Variants in CTIF observed in about 807,000 individuals in gnomAD.
CTIF encodes the protein CBP80/20-dependent translation initiation factor.
A neutral mutation model predicts 66.0 loss-of-function variants in CTIF; 21 were observed. That is an observed-to-expected ratio of 0.32 (90% CI 0.23 to 0.46). The LOEUF (loss-of-function observed/expected upper bound fraction) is 0.46, where lower values mean the gene tolerates loss of function less well. Among genes scored for constraint, CTIF ranks in the 20% least tolerant of loss-of-function variants. CTIF has a pLI of 1.00. For missense variants in CTIF, 739 were observed against 812.7 expected (o/e 0.91, Z 1.10); for synonymous variants, 345 against 326.4 (o/e 1.06, Z -0.62).
chr18:48,773,964 C>A (rs1245653576), intron 9 of CTIF, among the ~76,000 whole-genome samples: 1 of 152,164 alleles, frequency 6.6e-6, no homozygotes, highest in African/African-American at 2.4e-5. Context: ...AGTATTTATA[C>A]CCACAGTGTT....
chr18:48,808,670 G>C (rs1032615362), intron 9 of CTIF, among the ~76,000 whole-genome samples: 2 of 152,170 alleles, frequency 1.3e-5, no homozygotes, highest in African/African-American at 2.4e-5. Flanking sequence ...CTTTGCCACT[G>C]ATTTGTGGTC....
intron 7 of CTIF, among the ~76,000 whole-genome samples, chr18:48,721,478 A>C (rs920974586): frequency 2.0e-5 from 3 of 152,176 alleles, no homozygotes; most frequent in African/African-American, 4.8e-5. Context: ...AGCCCCAAGC[A>C]ACCTGGCCTC....
chr18:48,804,919 G>A (rs1207142178), intron 9 of CTIF, among the ~76,000 whole-genome samples: 7 of 152,136 alleles, frequency 4.6e-5, no homozygotes, highest in East Asian at 1.9e-4. Context: ...TCATCCCCAG[G>A]GCCTGGGAAT....
At chr18:48,608,638 C>G (rs1251788864) in intron 1 of CTIF, among the ~76,000 whole-genome samples, 1 of 152,182 alleles carries the variant, frequency 6.6e-6, no homozygotes, top group Non-Finnish European at 1.5e-5. Flanking sequence ...TTGCTGTTCT[C>G]GAACGTGAGC....
At chr18:48,845,330 A>G (rs572046244) in intron 10 of CTIF, among the ~76,000 whole-genome samples, 4 of 152,284 alleles carry the variant, frequency 2.6e-5, no homozygotes, top group Admixed American at 1.3e-4. Context: ...CATCATGGCA[A>G]AGGTCACCCA....
intron 6 of CTIF, among the ~76,000 whole-genome samples, chr18:48,685,439 T>G (rs1598867772): frequency 6.6e-6 from 1 of 151,888 alleles, no homozygotes; most frequent in South Asian, 2.1e-4. Context: ...GCCAGGCTGG[T>G]CTTGAATTCC....
At chr18:48,662,114 T>C (rs2144889354) in intron 3 of CTIF, 1 of 152,270 alleles carries the variant, frequency 6.6e-6, no homozygotes, top group African/African-American at 2.4e-5. Context: ...GTGACTGCAG[T>C]TTGGGAGGCC....
intron 1 of CTIF, among the ~76,000 whole-genome samples, chr18:48,569,690 C>T (rs1193340887): frequency 6.6e-6 from 1 of 152,174 alleles, no homozygotes; most frequent in Admixed American, 6.5e-5. Context: ...CCTCCTCCTC[C>T]AAAGACCAGT....
intron 6 of CTIF, among the ~76,000 whole-genome samples, chr18:48,680,715 G>A (rs778006861): frequency 3.9e-5 from 6 of 152,234 alleles, no homozygotes; most frequent in Non-Finnish European, 7.3e-5. Flanking sequence ...GGCCAGGCCT[G>A]GTTGATTGAG....
intron 10 of CTIF, among the ~76,000 whole-genome samples, chr18:48,817,718 G>A (rs2068397339): frequency 6.6e-6 from 1 of 151,714 alleles, no homozygotes; most frequent in African/African-American, 2.4e-5. Flanking sequence ...GGAGACTGCA[G>A]TGAGCCGAGA....
intron 10 of CTIF, among the ~76,000 whole-genome samples, chr18:48,847,361 T>A (rs2069104367): frequency 6.6e-6 from 1 of 150,628 alleles, no homozygotes; most frequent in Admixed American, 6.6e-5. Flanking sequence ...AAGAATTAGC[T>A]AATGTGGGAA....
intron 9 of CTIF, among the ~76,000 whole-genome samples, chr18:48,813,198 C>T (rs1396594858): frequency 6.6e-6 from 1 of 152,208 alleles, no homozygotes; most frequent in Non-Finnish European, 1.5e-5. Flanking sequence ...AATCCCAGTT[C>T]CTGTCTCACA....
intron 1 of CTIF, among the ~76,000 whole-genome samples, chr18:48,595,818 G>T (rs1474040519): frequency 6.6e-6 from 1 of 152,146 alleles, no homozygotes; most frequent in Non-Finnish European, 1.5e-5. Flanking sequence ...GGTGTCAGCT[G>T]AGGCAATATT....
chr18:48,695,717 C>G (rs1231581063), intron 6 of CTIF, among the ~76,000 whole-genome samples: 2 of 152,196 alleles, frequency 1.3e-5, no homozygotes, highest in Admixed American at 1.3e-4. Flanking sequence ...ACATTACAGC[C>G]CGTTGCTATC....
At chr18:48,789,200 A>G (rs947279509) in intron 9 of CTIF, among the ~76,000 whole-genome samples, 3 of 152,168 alleles carry the variant, frequency 2.0e-5, no homozygotes, top group Non-Finnish European at 4.4e-5. Flanking sequence ...GGGTTTAGGG[A>G]AAGTCACTGA....
intron 1 of CTIF, among the ~76,000 whole-genome samples, chr18:48,591,505 G>A (rs2089886733): frequency 6.6e-6 from 1 of 152,204 alleles, no homozygotes; most frequent in South Asian, 2.1e-4. Flanking sequence ...CTGAGCCTCA[G>A]TTTCCTCATT....
intron 1 of CTIF, among the ~76,000 whole-genome samples, chr18:48,609,371 G>A (rs1363544936): frequency 1.3e-5 from 2 of 152,186 alleles, no homozygotes; most frequent in African/African-American, 4.8e-5. Flanking sequence ...GAGAGGCAGA[G>A]GTAGGAGAGA....
rs548788670 is a variant in CTIF, at chr18:48,675,407, G to A, written c.507+4663G>A. Among the ~76,000 whole-genome samples, 3 of 152,306 alleles carry A rather than the reference G, an allele frequency of 2.0e-5. No homozygotes were observed. In the East Asian group the frequency reaches 5.8e-4, roughly 29 times the overall value. The stretch of plus-strand genomic sequence containing the variant: ...CCAGGATCGGTGGCTGTATGGTGGT[G>A]TGCTCCCACTAGAGGGCACCAGCGC... On this transcript the variant is annotated intron_variant, in intron 6 of 11. Transcript: ENST00000256413.
Position 48,859,871 on chromosome 18 carries a change from C to T in CTIF, c.*312C>T, listed in dbSNP as rs560777247. On this transcript the variant is annotated 3_prime_UTR_variant, in exon 12 of 12. Transcript: ENST00000256413. ...CCCTCCCCATCAGACCCATCCCCCA[C>T]GGAGCTTTGTGTGAGGGATCTCATC... 6.4e-5 allele frequency: 36 copies of T among 562,094 alleles called. No homozygotes were observed. Among genetic ancestry groups the T allele is most frequent in the African/African-American group, 9.3e-5 (5 of 54,008 alleles). The allele number at this position is 562,094 out of a possible 1,614,324, so 34.8% of individuals were successfully genotyped here.
Sources: allele counts gnomAD v4.1 joint callset (sites outside exome capture counted in the v4.1 genomes callset), GRCh38; gene constraint gnomAD v4.1.1; transcripts MANE v1.5; gene names NCBI Gene and HGNC (gene_info 2026-07-23, HGNC 2026-07-21).